Variants in NCKAP1L observed in about 807,000 individuals in gnomAD.
NCKAP1L encodes the protein nck-associated protein 1-like.
Under a neutral mutation model 139.2 loss-of-function variants are expected in NCKAP1L, and 53 were observed. That is an observed-to-expected ratio of 0.38 (90% confidence interval 0.31 to 0.48). NCKAP1L has a LOEUF of 0.48. Among genes scored for constraint, NCKAP1L ranks in the 20% least tolerant of loss-of-function variants. NCKAP1L has a pLI of 0.98. For synonymous variants in NCKAP1L, 468 were observed against 499.7 expected, an observed-to-expected ratio of 0.94 and a Z score of 0.85; for missense variants, 1,151 against 1,381.9, an observed-to-expected ratio of 0.83 and a Z score of 2.65.
intron 27 of NCKAP1L, 56 bp downstream of exon 27, chr12:54,535,253 G>C (rs1009928014): frequency 3.8e-5 from 52 of 1,369,582 alleles, no homozygotes; most frequent in Non-Finnish European, 4.7e-5. Context: ...GCCTTATTTT[G>C]GGTGAAAAAA....
In NCKAP1L at chr12:54,535,023, A is replaced by C. The variant is rs889080357; in HGVS notation, c.2863-81A>C. 4.5e-6 allele frequency: 5 copies of C among 1,109,044 alleles called. No homozygotes were observed. In the East Asian group the frequency reaches 1.2e-4, roughly 28 times the overall value. The allele number at this position is 1,109,044 out of a possible 1,614,324, so 68.7% of individuals were successfully genotyped here. ...AAAAAAAAAATTAAACCTGTGATCC[A>C]AAAGTCCTGGCTATGCATTCCTTCT... On this transcript the variant is annotated intron_variant, in intron 26 of 30. Coordinates refer to ENST00000293373, the MANE Select transcript of NCKAP1L (RefSeq NM_005337.5).
At position 54,520,733 on chromosome 12, in the gene NCKAP1L, C is replaced by G; in HGVS notation, c.1665C>G (p.Thr555=). The G allele has an allele frequency of 1.2e-6, 2 of 1,614,076 alleles. No homozygotes were observed. Among genetic ancestry groups the G allele is most frequent in the Non-Finnish European group, 8.5e-7 (1 of 1,180,002 alleles). ...LRIFEKMFAM[T]LEESAMLRYA... is the part of the protein sequence containing the mutation. The stretch of plus-strand genomic sequence containing the variant: ...TCTTTGAGAAGATGTTTGCCATGAC[C>G]TTGGAGGAATCTGCCATGTTGCGTT... The change falls in exon 17 of 31, where the codon ACC becomes ACG. Residue 555 remains threonine, a synonymous_variant. Coordinates refer to ENST00000293373, the MANE Select transcript of NCKAP1L (RefSeq NM_005337.5).
Position 54,523,478 on chromosome 12 carries a change from G to A in NCKAP1L, c.1963G>A (p.Glu655Lys). 1 of 1,614,126 alleles carries A rather than the reference G, an allele frequency of 6.2e-7. No homozygotes were observed. The highest frequency in any genetic ancestry group is 1.1e-5 in the South Asian group (1 of 91,074). Reference sequence around the variant, plus strand: ...GCAGAGGCAGACTCCCAGAAAAGGAGAGCCCGAGAGGGACAAGCCAGGAGC... The same window carrying A: ...GCAGAGGCAGACTCCCAGAAAAGGAAAGCCCGAGAGGGACAAGCCAGGAGC... ...RKQRQTPRKG[E>K]PERDKPGAES... The change falls in exon 19 of 31, where the codon GAG becomes AAG. Residue 655 changes from glutamate (E) to lysine (K), a missense_variant. Physicochemically the swap from Glu to Lys is moderately conservative, Grantham distance 56. Coordinates refer to ENST00000293373, the MANE Select transcript of NCKAP1L (RefSeq NM_005337.5).
At position 54,509,719 on chromosome 12, in the gene NCKAP1L, C is replaced by T; in HGVS notation, c.557C>T (p.Pro186Leu). The T allele has an allele frequency of 6.2e-7, 1 of 1,614,180 alleles. No homozygotes were observed. The highest frequency in any genetic ancestry group is 8.5e-7 in the Non-Finnish European group (1 of 1,180,016). The change falls in exon 6 of 31, where the codon CCT (proline) becomes CTT (leucine). Residue 186 changes from proline (P) to leucine (L), a missense_variant. By Grantham distance (98) the Pro-to-Leu change is moderately conservative. Transcript: ENST00000293373. ...CAGATGGTCTTGGAGTATGACCACC[C>T]TCTGAAGAAGCTGACAGAAGAGTTT... ...LGQMVLEYDHPLKKLTEEFGP... is the reference protein window; with the variant it reads ...LGQMVLEYDHLLKKLTEEFGP...
Position 54,544,257 on chromosome 12 carries a change from G to A in NCKAP1L, c.*1572G>A, listed in dbSNP as rs1512905. The A allele has an allele frequency of 0.86, 130,471 of 152,120 alleles. 56,003 individuals are homozygous for A. The highest frequency in any genetic ancestry group is 0.92 in the Middle Eastern group (270 of 294). The allele number at this position is 152,120 out of a possible 1,614,324, so 9.4% of individuals were successfully genotyped here. ...TGAGAGTAAAGTTGATGAGGAAGAG[G>A]AGGCTCAGAAGTATCTGAACAACTA... On this transcript the variant is annotated 3_prime_UTR_variant, in exon 31 of 31. Coordinates refer to ENST00000293373, the MANE Select transcript of NCKAP1L (RefSeq NM_005337.5).
At chr12:54,522,406 T>A in intron 18 of NCKAP1L, among the ~76,000 whole-genome samples, 1 of 152,238 alleles carries the variant, frequency 6.6e-6, no homozygotes, top group East Asian at 1.9e-4. Context: ...TAAAACATGA[T>A]GCGAATAATT....
intron 20 of NCKAP1L, among the ~76,000 whole-genome samples, chr12:54,524,801 T>A (rs1412676774): frequency 6.6e-6 from 1 of 151,308 alleles, no homozygotes; most frequent in Admixed American, 6.6e-5. Flanking sequence ...AAAAATAAAG[T>A]GGGAAAGGGA....
chr12:54,516,178 G>T, intron 9 of NCKAP1L, 61 bp from the exon 10 acceptor site: 1 of 1,577,234 alleles, frequency 6.3e-7, no homozygotes, highest in Non-Finnish European at 8.7e-7. Context: ...GACTGGGAAG[G>T]TGAGGCAAGG....
chr12:54,535,040 A>T, intron 26 of NCKAP1L, 64 bp from the exon 27 acceptor site: 1 of 1,344,140 alleles, frequency 7.4e-7, no homozygotes, highest in Middle Eastern at 2.1e-4. Flanking sequence ...CTGGCTATGC[A>T]TTCCTTCTGT....
At chr12:54,524,755 T>A (rs982636592) in intron 20 of NCKAP1L, among the ~76,000 whole-genome samples, 3 of 152,056 alleles carry the variant, frequency 2.0e-5, no homozygotes, top group African/African-American at 7.2e-5. Context: ...GAAAGCAGAA[T>A]ACGTAGTAGA....
chr12:54,497,805 G>A lies in NCKAP1L; in HGVS notation c.16G>A (p.Ala6Thr). 1 of 1,612,772 alleles carries A rather than the reference G, an allele frequency of 6.2e-7. No individual in the cohort carries two copies. Among genetic ancestry groups the A allele is most frequent in the Non-Finnish European group, 8.5e-7 (1 of 1,178,802 alleles). The change falls in exon 1 of 31, where the codon GCT becomes ACT. Residue 6 changes from alanine (A) to threonine (T), a missense_variant. By Grantham distance (58) the Ala-to-Thr change is moderately conservative. Transcript: ENST00000293373. ...AGTGGCCATCATGTCTTTGACATCT[G>A]CTTACCAGCATAAATTAGCAGAGAA... is the stretch of plus-strand genomic sequence containing the variant. MSLTS[A>T]YQHKLAEKLT...
chr12:54,527,930 C>A (rs919113042), intron 21 of NCKAP1L, among the ~76,000 whole-genome samples: 1 of 152,132 alleles, frequency 6.6e-6, no homozygotes, highest in Non-Finnish European at 1.5e-5. Flanking sequence ...TCTTACCTGA[C>A]AGAGGGTAAG....
At chr12:54,499,318 G>T (rs1173855433) in intron 1 of NCKAP1L, 37 bp from the exon 2 acceptor site, 2 of 1,152,462 alleles carry the variant, frequency 1.7e-6, no homozygotes, top group African/African-American at 3.0e-5. Flanking sequence ...TGAGGAGGAG[G>T]AGAAAGGGTT....
intron 13 of NCKAP1L, among the ~76,000 whole-genome samples, chr12:54,518,341 C>CAA (rs200424208): frequency 1.7e-5 from 2 of 118,406 alleles, no homozygotes; most frequent in African/African-American, 3.1e-5. Context: ...GACTCTGTCT[C>CAA]AAAAAAAAAA....
chr12:54,527,867 A>G (rs1957039045), intron 21 of NCKAP1L, among the ~76,000 whole-genome samples: 1 of 152,156 alleles, frequency 6.6e-6, no homozygotes, highest in Non-Finnish European at 1.5e-5. Flanking sequence ...TTGAGAGTAT[A>G]TTTCAAAGGA....
intron 10 of NCKAP1L, 76 bp from the exon 11 acceptor site, chr12:54,516,820 G>C: frequency 7.8e-7 from 1 of 1,282,912 alleles, no homozygotes; most frequent in East Asian, 2.5e-5. Context: ...CCTAAATATA[G>C]CTTTCTTCTG....
intron 3 of NCKAP1L, among the ~76,000 whole-genome samples, chr12:54,506,796 A>ATATATATATATATATATATATATATATAT (rs1555170865): frequency 4.0e-5 from 2 of 50,608 alleles, no homozygotes; most frequent in South Asian, 1.2e-3. Context: ...AAAAAAAAAA[A>ATATATATATATATATATATATATATATAT]ATATATATAT....
chr12:54,514,180 T>C (rs1447740528), intron 9 of NCKAP1L, among the ~76,000 whole-genome samples: 1 of 152,222 alleles, frequency 6.6e-6, no homozygotes, highest in African/African-American at 2.4e-5. Context: ...AATATTACAT[T>C]ATGTGGTTGT....
At chr12:54,517,061 C>CA (rs1396628343) in intron 11 of NCKAP1L, 69 bp downstream of exon 11, 1 of 1,361,818 alleles carries the variant, frequency 7.3e-7, no homozygotes, top group Non-Finnish European at 1.0e-6. Context: ...ACGTGGCACT[C>CA]ACGAGATTTT....
Sources: allele counts gnomAD v4.1 joint callset (sites outside exome capture counted in the v4.1 genomes callset), GRCh38; gene constraint gnomAD v4.1.1; transcripts MANE v1.5; gene names NCBI Gene and HGNC (gene_info 2026-07-23, HGNC 2026-07-21).